The following COL5A1 variants were observed in gnomAD, a reference collection of about 807,000 sequenced individuals.
COL5A1 encodes the protein collagen alpha-1(V) chain.
In COL5A1, 16 loss-of-function variants were observed where a neutral mutation model predicts 263.7. The observed-to-expected ratio is 0.06, with a 90% CI of 0.04 to 0.09. The LOEUF is 0.09. Ranked by LOEUF, COL5A1 falls within the 10% of genes least tolerant of loss-of-function variation. The pLI, the probability that COL5A1 is intolerant of heterozygous loss-of-function variation, is 1.00. For missense variants in COL5A1, 2,036 were observed against 2,540.5 expected, an observed-to-expected ratio of 0.80 and a Z score of 4.27; for synonymous variants, 1,012 against 1,004.5, an observed-to-expected ratio of 1.01 and a Z score of -0.14.
intron 4 of COL5A1, among the ~76,000 whole-genome samples, chr9:134,702,387 C>T (rs7028769): frequency 0.25 from 37,975 of 151,862 alleles, 4,906 homozygotes; most frequent in Non-Finnish European, 0.29. Context: ...AATCCCCGAG[C>T]GCTGCCGTGA....
At chr9:134,723,090 C>T (rs928378654) in intron 4 of COL5A1, among the ~76,000 whole-genome samples, 3 of 152,168 alleles carry the variant, frequency 2.0e-5, no homozygotes, top group South Asian at 2.1e-4. Flanking sequence ...TCACAGCCCC[C>T]GAGGTGAAGT....
In COL5A1 at chr9:134,741,127, C is replaced by A. The variant is rs1835287530; in HGVS notation, c.1494+2319C>A. 6.6e-6 allele frequency among the ~76,000 whole-genome samples: 1 copy of A among 152,212 alleles called. No individual in the cohort carries two copies. The highest frequency in any genetic ancestry group is 2.4e-5 in the African/African-American group (1 of 41,456). ...CAGATCTTGCTCGATGCCCGCTAAT[C>A]AGCTGTGAAAGATCACTGGCTATGG... On this transcript the variant is annotated intron_variant, in intron 11 of 65. Coordinates refer to ENST00000371817, the MANE Select transcript of COL5A1 (RefSeq NM_000093.5). This position sits in a 1 kb window ranked among gnomAD's most constrained non-coding sequence, Gnocchi z 4.5.
At chr9:134,694,116 A>G (rs1017898677) in intron 2 of COL5A1, among the ~76,000 whole-genome samples, 3 of 152,252 alleles carry the variant, frequency 2.0e-5, no homozygotes, top group African/African-American at 7.2e-5. Flanking sequence ...GCCCGCATCC[A>G]GGCAGCTGTT....
chr9:134,763,793 C>T, intron 20 of COL5A1, 56 bp downstream of exon 20: 1 of 1,536,212 alleles, frequency 6.5e-7, no homozygotes, highest in Non-Finnish European at 9.0e-7. Context: ...AAGGCTTTGT[C>T]CAAGGCTCCT....
In COL5A1 at chr9:134,796,831, C is replaced by G. The variant is rs368737278; in HGVS notation, c.2845-17C>G. On this transcript the variant is annotated splice_polypyrimidine_tract_variant and intron_variant, in intron 35 of 65. Coordinates refer to ENST00000371817, the MANE Select transcript of COL5A1 (RefSeq NM_000093.5). ...GAGAGACCTCTTGTCCTCAAACTGG[C>G]CTTTCTCTGTTCCCAGGGACCCAAT... The G allele has an allele frequency of 3.7e-6, 6 of 1,613,728 alleles. No homozygotes were observed. In the East Asian group the frequency reaches 8.9e-5, roughly 24 times the overall value.
intron 9 of COL5A1, among the ~76,000 whole-genome samples, chr9:134,732,941 C>A (rs1428115227): frequency 6.6e-6 from 1 of 152,208 alleles, no homozygotes; most frequent in African/African-American, 2.4e-5. Flanking sequence ...GGCAGGATGC[C>A]CTGTGATCAG....
rs1179789643 is a variant in COL5A1, at chr9:134,678,248, C to G, written c.110-12664C>G. Among the ~76,000 whole-genome samples the G allele has an allele frequency of 6.6e-6, 1 of 152,222 alleles. No homozygotes were observed. Among genetic ancestry groups the G allele is most frequent in the East Asian group, 1.9e-4 (1 of 5,198 alleles). ...AAGCCATGGGCAGCTTGCTCTACCT[C>G]TCTCACGCTGAGTTTCCTCATGTAC... On this transcript the variant is annotated intron_variant, in intron 1 of 65. Coordinates refer to ENST00000371817, the MANE Select transcript of COL5A1 (RefSeq NM_000093.5). The surrounding 1 kb of genome is among the most constrained non-coding windows in gnomAD (Gnocchi z 5.5).
intron 65 of COL5A1, among the ~76,000 whole-genome samples, chr9:134,837,540 C>A (rs1839888490): frequency 6.6e-6 from 1 of 152,010 alleles, no homozygotes; most frequent in African/African-American, 2.4e-5. Flanking sequence ...AAGCCCACTT[C>A]TGCGAGGTCC....
At chr9:134,766,570 A>T in intron 22 of COL5A1, 72 bp downstream of exon 22, 1 of 1,483,632 alleles carries the variant, frequency 6.7e-7, no homozygotes, top group Non-Finnish European at 9.3e-7. Context: ...CTGGCTAGGG[A>T]GGTCCATCGC....
intron 2 of COL5A1, among the ~76,000 whole-genome samples, chr9:134,695,526 G>A (rs987673569): frequency 2.0e-5 from 3 of 152,210 alleles, no homozygotes; most frequent in Non-Finnish European, 4.4e-5. Context: ...TGGAGGCAGC[G>A]GTGGGAGGGT....
chr9:134,766,968 C>G (rs1481761763), intron 22 of COL5A1, 32 bp from the exon 23 acceptor site: 1 of 1,606,848 alleles, frequency 6.2e-7, no homozygotes, highest in East Asian at 2.2e-5. Flanking sequence ...TCCCAGAGCC[C>G]CCTTCAGTGC....
In COL5A1 at chr9:134,641,943, G is replaced by C. The variant is rs1451005850; in HGVS notation, c.-245G>C. The stretch of plus-strand genomic sequence containing the variant: ...AGGAGGAGGAGGCGAGGGCGAGCTA[G>C]CCCAGCGGGGTCCCGGCCGCCCCGC... On this transcript the variant is annotated 5_prime_UTR_variant, in exon 1 of 66. Coordinates refer to ENST00000371817, the MANE Select transcript of COL5A1 (RefSeq NM_000093.5). 2 of 389,192 alleles carry C rather than the reference G, an allele frequency of 5.1e-6. No individual in the cohort carries two copies. The highest frequency in any genetic ancestry group is 4.2e-5 in the African/African-American group (2 of 48,044). The allele number at this position is 389,192 out of a possible 1,614,324, so 24.1% of individuals were successfully genotyped here.
At chr9:134,767,463 G>GGAGCACCAAGATA in intron 24 of COL5A1, 109 bp downstream of exon 24, 3 of 1,043,386 alleles carry the variant, frequency 2.9e-6, no homozygotes, top group Non-Finnish European at 4.4e-6. Context: ...GTATATCTTG[G>GGAGCACCAAGATA]TGCTCCCAAG....
intron 50 of COL5A1, 80 bp downstream of exon 50, chr9:134,814,984 T>C (rs1588581923): frequency 3.0e-6 from 3 of 993,272 alleles, no homozygotes; most frequent in South Asian, 1.5e-5. Context: ...TCACTGGCGG[T>C]GCACTCTGCT....
intron 64 of COL5A1, among the ~76,000 whole-genome samples, chr9:134,833,778 G>T (rs1193514697): frequency 6.6e-6 from 1 of 152,232 alleles, no homozygotes; most frequent in Non-Finnish European, 1.5e-5. Context: ...CCAGGGCCTT[G>T]TACATCCTGG....
At chr9:134,736,438 G>A (rs151261401) in intron 9 of COL5A1, among the ~76,000 whole-genome samples, 3 of 152,296 alleles carry the variant, frequency 2.0e-5, no homozygotes, top group African/African-American at 2.4e-5. Context: ...CCACCCTAAC[G>A]AGCCCGCTCC....
At chr9:134,654,386 C>T (rs763479841) in intron 1 of COL5A1, among the ~76,000 whole-genome samples, 17 of 86,400 alleles carry the variant, frequency 2.0e-4, no homozygotes, top group Non-Finnish European at 3.1e-4. Flanking sequence ...GTGTATAGTG[C>T]TGAGAGTGTG....
intron 4 of COL5A1, among the ~76,000 whole-genome samples, chr9:134,704,816 T>A (rs1833787382): frequency 6.6e-6 from 1 of 151,152 alleles, no homozygotes. Flanking sequence ...CCCTTAACAG[T>A]GTGAGGAGGA....
rs1833083004 is a variant in COL5A1, at chr9:134,686,457, GC to G, written c.110-4452del. Among the ~76,000 whole-genome samples the G allele has an allele frequency of 6.6e-6, 1 of 152,028 alleles. No individual in the cohort carries two copies. The highest frequency in any genetic ancestry group is 1.5e-5 in the Non-Finnish European group (1 of 68,012). Reference sequence around the variant, plus strand: ...TGTAGAGACGGGGTTTTACCATGTTGCCCAGGTTGATCTCCAACTCCCGAGC... The same window carrying G: ...TGTAGAGACGGGGTTTTACCATGTTGCCAGGTTGATCTCCAACTCCCGAGC... On this transcript the variant is annotated intron_variant, in intron 1 of 65. Transcript: ENST00000371817. This position sits in a 1 kb window ranked among gnomAD's most constrained non-coding sequence, Gnocchi z 4.6.
Sources: gnomAD v4.1 joint callset for allele counts (sites outside exome capture counted in the v4.1 genomes callset) on GRCh38, gnomAD v4.1.1 for gene constraint, Gnocchi (gnomAD v3.1) non-coding constraint, MANE v1.5 for transcripts, NCBI Gene and HGNC (gene_info 2026-07-23, HGNC 2026-07-21) for gene names.